Variants in NEK7 observed in about 807,000 individuals in gnomAD.
NEK7 encodes serine/threonine-protein kinase Nek7.
In NEK7, 18 loss-of-function variants were observed where a neutral mutation model predicts 44.6. That is an observed-to-expected ratio of 0.40 (90% CI 0.28 to 0.60). The LOEUF (loss-of-function observed/expected upper bound fraction) is 0.60, where lower values mean the gene tolerates loss of function less well. NEK7 is among the 20% of genes least tolerant of loss of function. NEK7 has a pLI of 0.38. For synonymous variants in NEK7, 130 were observed against 121.1 expected (o/e 1.07, Z -0.48); for missense variants, 256 against 366.5 (o/e 0.70, Z 2.46).
At chr1:198,204,234 C>T (rs925920210) in intron 1 of NEK7, among the ~76,000 whole-genome samples, 1 of 151,618 alleles carries the variant, frequency 6.6e-6, no homozygotes, top group African/African-American at 2.4e-5. Flanking sequence ...CACTCCAGCC[C>T]GTGTGACAGA....
At chr1:198,217,576 G>T (rs111929282) in intron 1 of NEK7, among the ~76,000 whole-genome samples, 64 of 152,020 alleles carry the variant, frequency 4.2e-4, no homozygotes, top group African/African-American at 1.4e-3. Context: ...AGTACTTGAA[G>T]ACTTAGCCCG....
chr1:198,268,774 G>C (rs540822382), intron 5 of NEK7, among the ~76,000 whole-genome samples: 1 of 152,212 alleles, frequency 6.6e-6, no homozygotes, highest in Admixed American at 6.5e-5. Context: ...CATATCCCAA[G>C]TGCCTAGAGC....
intron 1 of NEK7, among the ~76,000 whole-genome samples, chr1:198,196,265 C>T (rs549357776): frequency 6.6e-6 from 1 of 152,082 alleles, no homozygotes; most frequent in Admixed American, 6.5e-5. Flanking sequence ...GTGCAGCAAC[C>T]AAGTAAAAGA....
At chr1:198,314,973 TC>T (rs1384351215) in intron 9 of NEK7, among the ~76,000 whole-genome samples, 2 of 152,204 alleles carry the variant, frequency 1.3e-5, no homozygotes, top group Non-Finnish European at 2.9e-5. Context: ...AGTTGGTGCT[TC>T]CCGGCTGCTT....
At chr1:198,300,298 C>T (rs1263426062) in intron 9 of NEK7, among the ~76,000 whole-genome samples, 2 of 152,116 alleles carry the variant, frequency 1.3e-5, no homozygotes, top group African/African-American at 4.8e-5. Context: ...AAAGGCCCGT[C>T]GTAAACTGAC....
At chr1:198,283,930 G>A (rs1297341053) in intron 7 of NEK7, among the ~76,000 whole-genome samples, 1 of 152,100 alleles carries the variant, frequency 6.6e-6, no homozygotes, top group Non-Finnish European at 1.5e-5. Context: ...GCGCCTTCAT[G>A]CTGTTTCATT....
At chr1:198,214,323 A>G (rs557758715) in intron 1 of NEK7, among the ~76,000 whole-genome samples, 1 of 152,324 alleles carries the variant, frequency 6.6e-6, no homozygotes, top group Non-Finnish European at 1.5e-5. Context: ...AGTGGATCCA[A>G]ATCAAAATGA....
At chr1:198,265,637 A>T (rs1653628295) in intron 5 of NEK7, among the ~76,000 whole-genome samples, 1 of 152,086 alleles carries the variant, frequency 6.6e-6, no homozygotes, top group Admixed American at 6.6e-5. Flanking sequence ...GCTGTCAGTT[A>T]TTAATCAATT....
intron 5 of NEK7, among the ~76,000 whole-genome samples, chr1:198,270,338 T>A (rs1354092515): frequency 3.3e-5 from 5 of 152,022 alleles, no homozygotes; most frequent in Non-Finnish European, 4.4e-5. Flanking sequence ...TATATATTTT[T>A]AAAAATTGTT....
At chr1:198,302,528 A>G (rs12078233) in intron 9 of NEK7, among the ~76,000 whole-genome samples, 23,981 of 151,868 alleles carry the variant, frequency 0.16, 2,180 homozygotes, top group East Asian at 0.43. Flanking sequence ...AAAAGTCTTG[A>G]TTTTCTGGAG....
chr1:198,310,728 G>A (rs1355314559), intron 9 of NEK7, among the ~76,000 whole-genome samples: 1 of 152,016 alleles, frequency 6.6e-6, no homozygotes, highest in Non-Finnish European at 1.5e-5. Context: ...GTTTTTCTCA[G>A]GTTTGTCAAA....
intron 2 of NEK7, among the ~76,000 whole-genome samples, chr1:198,233,266 TG>T (rs1267671565): frequency 6.6e-6 from 1 of 152,106 alleles, no homozygotes; most frequent in East Asian, 1.9e-4. Flanking sequence ...GCTTGTTTCT[TG>T]TATTTAATAA....
intron 1 of NEK7, among the ~76,000 whole-genome samples, chr1:198,223,271 T>C (rs1422924527): frequency 1.3e-5 from 2 of 152,134 alleles, no homozygotes; most frequent in African/African-American, 4.8e-5. Context: ...GGTGGAGACA[T>C]GATGATAACT....
intron 9 of NEK7, among the ~76,000 whole-genome samples, chr1:198,314,686 C>T (rs1655295428): frequency 6.6e-6 from 1 of 151,980 alleles, no homozygotes; most frequent in Non-Finnish European, 1.5e-5. Flanking sequence ...GTTTGAGTAC[C>T]CGGCCGTGTG....
intron 7 of NEK7, among the ~76,000 whole-genome samples, chr1:198,280,750 A>G (rs1457573760): frequency 1.3e-5 from 2 of 148,226 alleles, no homozygotes; most frequent in Non-Finnish European, 3.0e-5. Context: ...ATGTATATTT[A>G]TATAATATAT....
chr1:198,289,795 C>G (rs958896596), intron 7 of NEK7, among the ~76,000 whole-genome samples: 1 of 152,248 alleles, frequency 6.6e-6, no homozygotes, highest in Non-Finnish European at 1.5e-5. Flanking sequence ...CTTGTTGGTT[C>G]ACTTAAACAT....
chr1:198,264,261 T>A, intron 5 of NEK7, 26 bp downstream of exon 5: 2 of 1,505,388 alleles, frequency 1.3e-6, no homozygotes, highest in Non-Finnish European at 1.8e-6. Context: ...ATTGTCTTAA[T>A]GTTTTGTTTT....
intron 1 of NEK7, among the ~76,000 whole-genome samples, chr1:198,179,994 T>C (rs1375955036): frequency 6.6e-6 from 1 of 152,138 alleles, no homozygotes; most frequent in Admixed American, 6.6e-5. Context: ...ATCTGGAAAT[T>C]ATTTCCCACT....
At chr1:198,275,400 A>G (rs935954243) in intron 5 of NEK7, among the ~76,000 whole-genome samples, 1 of 151,270 alleles carries the variant, frequency 6.6e-6, no homozygotes, top group African/African-American at 2.4e-5. Context: ...TATTGATACC[A>G]ACTTTTAGAT....
Sources: allele counts gnomAD v4.1 joint callset (sites outside exome capture counted in the v4.1 genomes callset), GRCh38; gene constraint gnomAD v4.1.1; transcripts MANE v1.5; gene names NCBI Gene and HGNC (gene_info 2026-07-23, HGNC 2026-07-21).